Variants in RAPGEF6 observed in about 807,000 individuals in gnomAD.
RAPGEF6 encodes PDZ domain containing guanine nucleotide exchange factor (GEF) 2.
RAPGEF6 carries 56 observed loss-of-function variants against 171.4 expected under a neutral mutation model. The observed-to-expected ratio is 0.33, with a 90% CI of 0.26 to 0.41. RAPGEF6 has a LOEUF of 0.41. Ranked by LOEUF, RAPGEF6 falls within the 10% of genes least tolerant of loss-of-function variation. The pLI is 1.00. For missense variants in RAPGEF6, 1,674 were observed against 1,921.4 expected (o/e 0.87, Z 2.41); for synonymous variants, 692 against 650.1 (o/e 1.06, Z -0.98).
intron 5 of RAPGEF6, among the ~76,000 whole-genome samples, chr5:131,555,349 G>A (rs1761165574): frequency 6.7e-6 from 1 of 148,960 alleles, no homozygotes; most frequent in Non-Finnish European, 1.5e-5. Flanking sequence ...CTAAACTTTT[G>A]CAATGAACAA....
chr5:131,610,159 C>T (rs1330889238), intron 1 of RAPGEF6, among the ~76,000 whole-genome samples: 2 of 152,136 alleles, frequency 1.3e-5, no homozygotes, highest in Non-Finnish European at 2.9e-5. Context: ...AACAGATGGG[C>T]CTAGAAACAA....
chr5:131,537,933 A>G (rs1231211512), intron 6 of RAPGEF6, among the ~76,000 whole-genome samples: 7 of 152,262 alleles, frequency 4.6e-5, no homozygotes, highest in Admixed American at 2.0e-4. Context: ...TCTCTACAAA[A>G]AAAAACAAAG....
chr5:131,611,372 A>C (rs1764925066), intron 1 of RAPGEF6, among the ~76,000 whole-genome samples: 1 of 152,210 alleles, frequency 6.6e-6, no homozygotes, highest in Non-Finnish European at 1.5e-5. Context: ...TAGTATTTTT[A>C]AATAATGTCA....
At chr5:131,470,770 A>T (rs529136654) in intron 17 of RAPGEF6, among the ~76,000 whole-genome samples, 1 of 152,316 alleles carries the variant, frequency 6.6e-6, no homozygotes, top group East Asian at 1.9e-4. Context: ...TTCCCAGATG[A>T]GGTAACACTG....
At chr5:131,535,072 T>G (rs1482396312) in intron 6 of RAPGEF6, among the ~76,000 whole-genome samples, 1 of 152,158 alleles carries the variant, frequency 6.6e-6, no homozygotes, top group Non-Finnish European at 1.5e-5. Context: ...AGACCTACTG[T>G]AGTAAACACC....
At chr5:131,472,850 T>A in intron 16 of RAPGEF6, 106 bp from the exon 17 acceptor site, 1 of 973,172 alleles carries the variant, frequency 1.0e-6, no homozygotes, top group Non-Finnish European at 1.5e-6. Flanking sequence ...TTCAAAGAGG[T>A]GATTTAAACA....
chr5:131,488,145 T>C (rs1561504523), intron 15 of RAPGEF6, among the ~76,000 whole-genome samples: 1 of 152,142 alleles, frequency 6.6e-6, no homozygotes, highest in Non-Finnish European at 1.5e-5. Flanking sequence ...ATATCCAACC[T>C]AGGGTTCTGT....
chr5:131,527,178 G>C (rs527728744), intron 6 of RAPGEF6, among the ~76,000 whole-genome samples: 37 of 152,182 alleles, frequency 2.4e-4, no homozygotes, highest in African/African-American at 8.7e-4. Flanking sequence ...GGCAACTTTT[G>C]GGGCAACTGC....
intron 3 of RAPGEF6, among the ~76,000 whole-genome samples, chr5:131,592,857 C>A (rs905837361): frequency 2.0e-5 from 3 of 152,136 alleles, no homozygotes; most frequent in African/African-American, 7.2e-5. Context: ...AGAATTGTAT[C>A]ACACTTGTAG....
chr5:131,630,985 A>ACT (rs1420345685), intron 1 of RAPGEF6, among the ~76,000 whole-genome samples: 1 of 151,526 alleles, frequency 6.6e-6, no homozygotes, highest in African/African-American at 2.4e-5. Context: ...GGGCACCACC[A>ACT]CTCTCTCGGT....
Position 131,455,879 on chromosome 5 carries a change from G to C in RAPGEF6, c.2998C>G (p.Leu1000Val). The C allele has an allele frequency of 6.2e-7, 1 of 1,613,852 alleles. No individual in the cohort carries two copies. Among genetic ancestry groups the C allele is most frequent in the East Asian group, 2.2e-5 (1 of 44,858 alleles). ...GGAGGCTGCATACTTTGACTACTAA[G>C]AATATTTCTATACTTTGCCATGTTT... is the stretch of plus-strand genomic sequence containing the variant. ...SRNMAKYRNILSSQSMQPPII... is the reference protein window; with the variant it reads ...SRNMAKYRNIVSSQSMQPPII... The change falls in exon 20 of 28, where the codon CTT becomes GTT. Residue 1000 changes from leucine (L) to valine (V), a missense_variant. Physicochemically the swap from Leu to Val is conservative, Grantham distance 32. This residue lies in a region of RAPGEF6 where 1,116 missense variants were observed against 1,321.5 expected (regional missense o/e 0.84). Coordinates refer to ENST00000509018, the MANE Select transcript of RAPGEF6 (RefSeq NM_016340.6).
intron 24 of RAPGEF6, chr5:131,436,183 G>A (rs538953632): frequency 3.9e-6 from 6 of 1,537,708 alleles, no homozygotes; most frequent in East Asian, 2.4e-5. Flanking sequence ...TCTTCTAAAC[G>A]GGGATGTCAT....
intron 4 of RAPGEF6, among the ~76,000 whole-genome samples, chr5:131,581,882 T>C (rs979875513): frequency 6.6e-6 from 1 of 152,094 alleles, no homozygotes; most frequent in South Asian, 2.1e-4. Flanking sequence ...CTTGTGACAA[T>C]ACACCCTCCC....
intron 15 of RAPGEF6, among the ~76,000 whole-genome samples, chr5:131,482,100 G>A (rs1755527703): frequency 6.6e-6 from 1 of 152,284 alleles, no homozygotes; most frequent in African/African-American, 2.4e-5. Context: ...ACAGAAGGAT[G>A]ATACCACATT....
intron 6 of RAPGEF6, among the ~76,000 whole-genome samples, chr5:131,542,113 A>G (rs1450034334): frequency 6.6e-6 from 1 of 152,202 alleles, no homozygotes. Flanking sequence ...TCTAACTTCA[A>G]GCTAACTTGG....
chr5:131,447,706 G>A (rs1387702384), intron 21 of RAPGEF6, among the ~76,000 whole-genome samples: 1 of 152,148 alleles, frequency 6.6e-6, no homozygotes, highest in Non-Finnish European at 1.5e-5. Flanking sequence ...AAAGACCACA[G>A]TGCTCATATA....
At chr5:131,604,381 G>T (rs1031459428) in intron 2 of RAPGEF6, among the ~76,000 whole-genome samples, 5 of 152,032 alleles carry the variant, frequency 3.3e-5, no homozygotes, top group South Asian at 2.1e-4. Flanking sequence ...CTGACTTAAG[G>T]TCCCATGGCT....
At chr5:131,527,741 C>A (rs542401794) in intron 6 of RAPGEF6, among the ~76,000 whole-genome samples, 104 of 152,032 alleles carry the variant, frequency 6.8e-4, no homozygotes, top group African/African-American at 2.4e-3. Flanking sequence ...AGGGGCCAGG[C>A]GCGATGGCTC....
At chr5:131,568,180 A>G (rs1464842885) in intron 4 of RAPGEF6, among the ~76,000 whole-genome samples, 2 of 152,206 alleles carry the variant, frequency 1.3e-5, no homozygotes, top group African/African-American at 4.8e-5. Context: ...TGAAATTACT[A>G]ACTTGTCTGG....
Sources: gnomAD v4.1 joint callset for allele counts (sites outside exome capture counted in the v4.1 genomes callset) on GRCh38, gnomAD v4.1.1 for gene constraint, gnomAD v4.1.1 regional missense constraint, MANE v1.5 for transcripts, NCBI Gene and HGNC (gene_info 2026-07-23, HGNC 2026-07-21) for gene names.